The following CDH4 variants were observed in gnomAD, a reference collection of about 807,000 sequenced individuals.
CDH4 encodes cadherin 4.
Under a neutral mutation model 86.0 loss-of-function variants are expected in CDH4, and 33 were observed. That is an observed-to-expected ratio of 0.38 (90% CI 0.29 to 0.51). CDH4 has a LOEUF of 0.51. CDH4 is among the 20% of genes least tolerant of loss of function. The pLI is 0.86. For missense variants in CDH4, 1,114 were observed against 1,307.4 expected (o/e 0.85, Z 2.28); for synonymous variants, 555 against 549.4 (o/e 1.01, Z -0.14).
chr20:61,449,427 C>T (rs1192557024), intron 2 of CDH4, among the ~76,000 whole-genome samples: 3 of 152,246 alleles, frequency 2.0e-5, no homozygotes, highest in Admixed American at 6.5e-5. Flanking sequence ...CTGAGTCACT[C>T]CGCTAATAAG....
chr20:61,342,717 C>T (rs1412731818), intron 2 of CDH4, among the ~76,000 whole-genome samples: 1 of 144,984 alleles, frequency 6.9e-6, no homozygotes, highest in East Asian at 2.1e-4. Flanking sequence ...GAAGGATGGG[C>T]TGCAGTATCC....
chr20:61,922,801 G>A (rs181072316), intron 9 of CDH4, among the ~76,000 whole-genome samples: 1 of 152,252 alleles, frequency 6.6e-6, no homozygotes, highest in Admixed American at 6.5e-5. Flanking sequence ...TGTCACCCAG[G>A]CTAGAGTGCA....
At chr20:61,410,319 C>G (rs1271489541) in intron 2 of CDH4, among the ~76,000 whole-genome samples, 1 of 152,200 alleles carries the variant, frequency 6.6e-6, no homozygotes, top group Non-Finnish European at 1.5e-5. Flanking sequence ...TCCCGTTAGT[C>G]TCTCCATTCT....
At chr20:61,880,435 C>T (rs954351871) in intron 7 of CDH4, among the ~76,000 whole-genome samples, 1 of 152,218 alleles carries the variant, frequency 6.6e-6, no homozygotes, top group African/African-American at 2.4e-5. Context: ...CACCTCGGGC[C>T]GGATTTGTGC....
At chr20:61,750,721 T>A (rs2088481796) in intron 3 of CDH4, among the ~76,000 whole-genome samples, 1 of 152,226 alleles carries the variant, frequency 6.6e-6, no homozygotes, top group African/African-American at 2.4e-5. Flanking sequence ...TATATGATTA[T>A]GAATGTTAGA....
intron 2 of CDH4, among the ~76,000 whole-genome samples, chr20:61,564,978 C>T (rs2086253232): frequency 6.7e-6 from 1 of 150,230 alleles, no homozygotes; most frequent in Non-Finnish European, 1.5e-5. Flanking sequence ...TAAAAAATAT[C>T]ACAGGAAAGC....
chr20:61,478,708 G>GGT (rs2085553062), intron 2 of CDH4, among the ~76,000 whole-genome samples: 1 of 152,176 alleles, frequency 6.6e-6, no homozygotes, highest in African/African-American at 2.4e-5. Flanking sequence ...AAGAGATCAC[G>GGT]GTGACGTGAA....
chr20:61,840,638 G>C (rs926653782), intron 4 of CDH4, among the ~76,000 whole-genome samples: 1 of 152,122 alleles, frequency 6.6e-6, no homozygotes, highest in African/African-American at 2.4e-5. Context: ...GGCGATCGGC[G>C]CACTGGAGGC....
intron 2 of CDH4, among the ~76,000 whole-genome samples, chr20:61,341,529 T>TTC (rs1555838599): frequency 6.6e-6 from 1 of 151,730 alleles, no homozygotes; most frequent in Non-Finnish European, 1.5e-5. Flanking sequence ...TTTTTCTTTT[T>TTC]TTTTTTTTTT....
intron 2 of CDH4, among the ~76,000 whole-genome samples, chr20:61,605,707 C>A (rs1048486799): frequency 5.3e-5 from 8 of 152,090 alleles, no homozygotes; most frequent in Non-Finnish European, 7.4e-5. Flanking sequence ...CTCTCCAACC[C>A]TGCTTTTCCT....
chr20:61,296,169 G>A (rs192620089), intron 2 of CDH4, among the ~76,000 whole-genome samples: 7 of 151,962 alleles, frequency 4.6e-5, no homozygotes, highest in Admixed American at 1.3e-4. Flanking sequence ...TAGAGTTGTC[G>A]AAATAAGTAT....
At chr20:61,526,169 CCT>C (rs1465600972) in intron 2 of CDH4, among the ~76,000 whole-genome samples, 1 of 150,914 alleles carries the variant, frequency 6.6e-6, no homozygotes, top group African/African-American at 2.5e-5. Context: ...TGCTGGTGCC[CCT>C]CCCCCTCCCC....
chr20:61,787,958 G>T (rs2096229), intron 4 of CDH4, among the ~76,000 whole-genome samples: 2,496 of 152,326 alleles, frequency 0.016, 50 homozygotes, highest in African/African-American at 0.041. Context: ...ACTCAGGGGC[G>T]TGTGGCCATG....
intron 2 of CDH4, among the ~76,000 whole-genome samples, chr20:61,711,878 G>C (rs2087897329): frequency 1.3e-5 from 2 of 152,132 alleles, no homozygotes; most frequent in South Asian, 4.1e-4. Flanking sequence ...GGAGGAGGGG[G>C]CCAGCCATGG....
At chr20:61,277,045 G>A (rs760341182) in intron 2 of CDH4, among the ~76,000 whole-genome samples, 3 of 152,112 alleles carry the variant, frequency 2.0e-5, no homozygotes, top group South Asian at 2.1e-4. Flanking sequence ...CCTGTCACAC[G>A]CCCACCCCCT....
intron 2 of CDH4, among the ~76,000 whole-genome samples, chr20:61,525,015 T>G (rs1477203620): frequency 6.6e-6 from 1 of 152,150 alleles, no homozygotes; most frequent in Non-Finnish European, 1.5e-5. Context: ...CCAGCTGGCT[T>G]CAATGCCAGC....
chr20:61,752,196 G>A (rs970249505), intron 3 of CDH4, among the ~76,000 whole-genome samples: 6 of 152,076 alleles, frequency 3.9e-5, no homozygotes, highest in African/African-American at 1.2e-4. Flanking sequence ...GCTAGGCATG[G>A]TGGTGCACAC....
At chr20:61,514,828 T>A (rs1268734524) in intron 2 of CDH4, among the ~76,000 whole-genome samples, 2 of 152,220 alleles carry the variant, frequency 1.3e-5, no homozygotes, top group African/African-American at 4.8e-5. Context: ...TCTGGAATTG[T>A]GGGCAGGAGG....
intron 3 of CDH4, among the ~76,000 whole-genome samples, chr20:61,763,112 G>T (rs528836007): frequency 6.6e-5 from 10 of 152,206 alleles, no homozygotes; most frequent in Non-Finnish European, 1.3e-4. Flanking sequence ...TGCCACCACC[G>T]CCATCTGTGA....
Sources: allele counts gnomAD v4.1 joint callset (sites outside exome capture counted in the v4.1 genomes callset), GRCh38; gene constraint gnomAD v4.1.1; transcripts MANE v1.5; gene names NCBI Gene and HGNC (gene_info 2026-07-23, HGNC 2026-07-21).